Variants in STRN3 observed in about 807,000 individuals in gnomAD.
The protein encoded by STRN3 is striatin-3.
Under a neutral mutation model 95.6 loss-of-function variants are expected in STRN3, and 29 were observed. The ratio of observed to expected loss-of-function variants is 0.30; its 90% CI spans 0.23 to 0.41. STRN3 has a LOEUF of 0.41. Among genes scored for constraint, STRN3 ranks in the 10% least tolerant of loss-of-function variants. The pLI is 1.00. For synonymous variants in STRN3, 331 were observed against 357.6 expected (o/e 0.93, Z 0.84); for missense variants, 890 against 972.1 (o/e 0.92, Z 1.12).
intron 16 of STRN3, among the ~76,000 whole-genome samples, chr14:30,901,005 T>C (rs1167627762): frequency 1.3e-5 from 2 of 152,314 alleles, no homozygotes; most frequent in African/African-American, 4.8e-5. Flanking sequence ...AACTTTCCCA[T>C]ATAACTGTAA....
chr14:30,953,752 C>T (rs1487529878), intron 3 of STRN3, among the ~76,000 whole-genome samples: 1 of 152,100 alleles, frequency 6.6e-6, no homozygotes, highest in Non-Finnish European at 1.5e-5. Context: ...ACTTCAGCCC[C>T]CTAAATAGCT....
intron 16 of STRN3, 117 bp from the exon 17 acceptor site, chr14:30,895,865 T>C: frequency 9.7e-6 from 8 of 822,142 alleles, no homozygotes; most frequent in Non-Finnish European, 1.5e-5. Flanking sequence ...TTTATTGTGG[T>C]AAAATATACA....
At chr14:30,904,924 G>A (rs1289700902) in intron 15 of STRN3, among the ~76,000 whole-genome samples, 3 of 149,556 alleles carry the variant, frequency 2.0e-5, no homozygotes, top group Admixed American at 6.7e-5. Flanking sequence ...CCAGACTGTC[G>A]GAAACTTGAC....
At chr14:30,981,050 G>A (rs1881370364) in intron 1 of STRN3, among the ~76,000 whole-genome samples, 1 of 152,274 alleles carries the variant, frequency 6.6e-6, no homozygotes, top group East Asian at 1.9e-4. Context: ...CCTCATGCCT[G>A]TAATCCCAAC....
intron 14 of STRN3, among the ~76,000 whole-genome samples, chr14:30,906,243 T>C (rs1896457845): frequency 6.6e-6 from 1 of 152,270 alleles, no homozygotes; most frequent in South Asian, 2.1e-4. Context: ...ATCACTACGG[T>C]GTCTAAGAGA....
chr14:30,910,395 A>T (rs1594422356), intron 13 of STRN3, among the ~76,000 whole-genome samples: 1 of 152,220 alleles, frequency 6.6e-6, no homozygotes, highest in African/African-American at 2.4e-5. Context: ...ATGCCTAGCT[A>T]ATGTAGGCAC....
At chr14:31,004,902 GAACTAAATAGGGAATCCCAGA>G (rs1175410788) in intron 1 of STRN3, among the ~76,000 whole-genome samples, 1 of 152,048 alleles carries the variant, frequency 6.6e-6, no homozygotes, top group African/African-American at 2.4e-5. Context: ...ATGCCTGGAA[GAACTAAATAGGGAATCCCAGA>G]AACAGTCTGG....
intron 1 of STRN3, among the ~76,000 whole-genome samples, chr14:30,975,512 G>C (rs1881048790): frequency 7.4e-6 from 1 of 134,456 alleles, no homozygotes; most frequent in South Asian, 2.3e-4. Context: ...ACTTTTCCAT[G>C]CAACCAAATG....
At chr14:30,991,915 T>C (rs1011879341) in intron 1 of STRN3, among the ~76,000 whole-genome samples, 7 of 137,964 alleles carry the variant, frequency 5.1e-5, no homozygotes, top group African/African-American at 1.6e-4. Context: ...GCAAGACCCC[T>C]TCTCTATTCT....
intron 8 of STRN3, among the ~76,000 whole-genome samples, chr14:30,927,238 A>T (rs995883161): frequency 2.0e-5 from 3 of 152,090 alleles, no homozygotes; most frequent in African/African-American, 7.2e-5. Context: ...TCTTGAGGAC[A>T]GGAGAGTTTG....
At chr14:30,958,686 C>G (rs1880038153) in intron 1 of STRN3, among the ~76,000 whole-genome samples, 1 of 152,164 alleles carries the variant, frequency 6.6e-6, no homozygotes, top group Non-Finnish European at 1.5e-5. Context: ...TATTATTCTG[C>G]TTCTGAAGAA....
intron 8 of STRN3, among the ~76,000 whole-genome samples, chr14:30,925,550 G>GA (rs200185066): frequency 4.2e-4 from 63 of 151,732 alleles, no homozygotes; most frequent in Non-Finnish European, 8.1e-4. Flanking sequence ...CTGGAATAAA[G>GA]AAAAAAAATC....
At chr14:30,977,016 G>A (rs1222176808) in intron 1 of STRN3, among the ~76,000 whole-genome samples, 1 of 152,160 alleles carries the variant, frequency 6.6e-6, no homozygotes, top group Non-Finnish European at 1.5e-5. Flanking sequence ...CATGAGATCA[G>A]GAGTTTGAGA....
chr14:31,024,840 G>C (rs1883712827), intron 1 of STRN3, among the ~76,000 whole-genome samples: 1 of 152,112 alleles, frequency 6.6e-6, no homozygotes, highest in Non-Finnish European at 1.5e-5. Flanking sequence ...TTCCTTCTAA[G>C]CCTAAATTTG....
At chr14:30,965,086 T>C (rs573585792) in intron 1 of STRN3, among the ~76,000 whole-genome samples, 13 of 152,292 alleles carry the variant, frequency 8.5e-5, no homozygotes, top group Admixed American at 1.3e-4. Flanking sequence ...ATTTTGAGTA[T>C]TGACTTCCTT....
At chr14:30,905,071 T>C (rs1566427034) in intron 15 of STRN3, among the ~76,000 whole-genome samples, 1 of 152,008 alleles carries the variant, frequency 6.6e-6, no homozygotes, top group African/African-American at 2.4e-5. Flanking sequence ...GTGATCCCTA[T>C]CTAAATAAAC....
chr14:30,929,962 A>AAAAAAAAAAAAAAAAAAC (rs1878419222), intron 7 of STRN3, among the ~76,000 whole-genome samples: 3 of 147,232 alleles, frequency 2.0e-5, no homozygotes, highest in African/African-American at 4.9e-5. Flanking sequence ...AGCAAAAAAA[A>AAAAAAAAAAAAAAAAAAC]AAAAAAAAAA....
intron 1 of STRN3, among the ~76,000 whole-genome samples, chr14:30,976,042 T>C (rs1342635581): frequency 6.6e-6 from 1 of 152,098 alleles, no homozygotes; most frequent in East Asian, 1.9e-4. Flanking sequence ...AGAAAAGAGT[T>C]ACCAACATGG....
intron 1 of STRN3, among the ~76,000 whole-genome samples, chr14:31,023,832 C>CAAAA (rs4011677): frequency 5.6e-5 from 8 of 143,456 alleles, no homozygotes; most frequent in East Asian, 2.0e-4. Context: ...ATATATAACT[C>CAAAA]AAAAAAAAAA....
Sources: allele counts gnomAD v4.1 joint callset (sites outside exome capture counted in the v4.1 genomes callset), GRCh38; gene constraint gnomAD v4.1.1; transcripts MANE v1.5; gene names NCBI Gene and HGNC (gene_info 2026-07-23, HGNC 2026-07-21).